The following AMOT variants were observed in gnomAD, a reference collection of about 807,000 sequenced individuals.
AMOT encodes the protein angiomotin.
AMOT carries 11 observed loss-of-function variants against 67.0 expected under a neutral mutation model. The observed-to-expected ratio is 0.16, with a 90% confidence interval of 0.10 to 0.27. The LOEUF (loss-of-function observed/expected upper bound fraction) is 0.27, where lower values mean the gene tolerates loss of function less well. Among genes scored for constraint, AMOT ranks in the 10% least tolerant of loss-of-function variants. The probability of loss-of-function intolerance (pLI) is 1.00; values close to 1 mark genes in which losing one functional copy is unlikely to be tolerated. For missense variants in AMOT, 753 were observed against 852.0 expected, an observed-to-expected ratio of 0.88 and a Z score of 1.45; for synonymous variants, 326 against 321.4, an observed-to-expected ratio of 1.01 and a Z score of -0.15.
rs765327292 is a variant in AMOT, at chrX:112,814,043, C to T, written c.1392+1315G>A. 3.3e-3 allele frequency among the ~76,000 whole-genome samples: 368 copies of T among 111,317 alleles called. 7 individuals are homozygous for T. The highest frequency in any genetic ancestry group is 4.5e-3 in the South Asian group (12 of 2,649). Reference sequence around the variant, plus strand: ...ATCCCAGCACTTTGGGAGACCAAGGCGGGCGGATCACCTGAGGTCGGGAGT... The same window carrying T: ...ATCCCAGCACTTTGGGAGACCAAGGTGGGCGGATCACCTGAGGTCGGGAGT... On this transcript the variant is annotated intron_variant, in intron 5 of 13. Coordinates refer to ENST00000371959, the MANE Select transcript of AMOT (RefSeq NM_001113490.2).
chrX:112,809,800 C>A, intron 7 of AMOT, 94 bp downstream of exon 7: 1 of 724,539 alleles, frequency 1.4e-6, no homozygotes, highest in South Asian at 2.5e-5. Context: ...TCTGCCCTGG[C>A]TGTTCTAAAA....
At chrX:112,823,579 C>A (rs1174165159) in intron 3 of AMOT, among the ~76,000 whole-genome samples, 3 of 111,037 alleles carry the variant, frequency 2.7e-5, no homozygotes, top group African/African-American at 6.6e-5. Flanking sequence ...GAGGTGGGGG[C>A]AGGACAGTGG....
chrX:112,826,318 C>G (rs1270468750), intron 2 of AMOT, among the ~76,000 whole-genome samples: 1 of 112,257 alleles, frequency 8.9e-6, no homozygotes, highest in Non-Finnish European at 1.9e-5. Flanking sequence ...AGAGCATGTT[C>G]AAAACATTCA....
rs1932952303 is a variant in AMOT, at chrX:112,776,855, G to A, written c.*1712C>T. 8.9e-6 allele frequency: 1 copy of A among 111,754 alleles called. No homozygotes were observed. The highest frequency in any genetic ancestry group is 1.9e-5 in the Non-Finnish European group (1 of 53,128). The allele number at this position is 111,754 out of a possible 1,213,427, so 9.2% of individuals were successfully genotyped here. A position where few individuals can be genotyped will look rare whatever the true frequency, so the allele number is the denominator to read the frequency against. ...CATTTTACAAGATACATATTCCCTG[G>A]ACCATGAAGATGCCTTTTCATAAAA... On this transcript the variant is annotated 3_prime_UTR_variant, in exon 14 of 14. Coordinates refer to ENST00000371959, the MANE Select transcript of AMOT (RefSeq NM_001113490.2).
intron 1 of AMOT, among the ~76,000 whole-genome samples, chrX:112,837,191 T>C (rs1449538256): frequency 3.6e-5 from 4 of 112,407 alleles, no homozygotes; most frequent in Non-Finnish European, 7.5e-5. Context: ...CTGCAAGCAG[T>C]TGTAGGCCAG....
intron 7 of AMOT, among the ~76,000 whole-genome samples, chrX:112,805,950 A>G (rs1602789124): frequency 9.0e-6 from 1 of 111,646 alleles, no homozygotes; most frequent in Middle Eastern, 4.6e-3. Context: ...TTAGAGTTTG[A>G]AAGTTCAGTT....
intron 10 of AMOT, among the ~76,000 whole-genome samples, chrX:112,785,623 G>A (rs750109723): frequency 3.6e-5 from 4 of 112,137 alleles, no homozygotes; most frequent in African/African-American, 1.3e-4. Flanking sequence ...GGAATAAAAT[G>A]ATCTAAGCCA....
intron 7 of AMOT, among the ~76,000 whole-genome samples, chrX:112,807,570 G>C (rs753060246): frequency 9.1e-6 from 1 of 110,170 alleles, no homozygotes; most frequent in South Asian, 4.0e-4. Context: ...CAGCATGCAA[G>C]ATCAGATCAA....
intron 7 of AMOT, 54 bp downstream of exon 7, chrX:112,809,840 G>A (rs1048388594): frequency 5.4e-5 from 55 of 1,025,269 alleles, no homozygotes; most frequent in Non-Finnish European, 6.7e-5. Context: ...ATCTTTTCAC[G>A]CACCTTGCTC....
At position 112,798,603 on chromosome X, in the gene AMOT, C is replaced by T. The variant is rs183592036; in HGVS notation, c.1776+6344G>A. Among the ~76,000 whole-genome samples the T allele has an allele frequency of 9.0e-3, 1,008 of 112,028 alleles. 6 individuals carry two copies. Among genetic ancestry groups the T allele is most frequent in the Non-Finnish European group, 0.015 (775 of 53,205 alleles). ...TTGGTGAACAGTTAATATTAAATAA[C>T]GATTACATTCAAGAACAAAAATGAG... On this transcript the variant is annotated intron_variant, in intron 8 of 13. Coordinates refer to ENST00000371959, the MANE Select transcript of AMOT (RefSeq NM_001113490.2).
chrX:112,809,773 C>T, intron 7 of AMOT, 121 bp downstream of exon 7: 1 of 564,555 alleles, frequency 1.8e-6, no homozygotes, highest in Non-Finnish European at 2.9e-6. Flanking sequence ...GAAAAACAAT[C>T]CTTAGGTGAT....
In AMOT at chrX:112,779,444, T is replaced by C. The variant is rs1175012993; in HGVS notation, c.2710A>G (p.Thr904Ala). The C allele has an allele frequency of 8.4e-7, 1 of 1,187,798 alleles. No individual in the cohort carries two copies. Among genetic ancestry groups the C allele is most frequent in the African/African-American group, 1.8e-5 (1 of 56,500 alleles). ...GGAGCAGCAGCTACCATGGTGGTGG[T>C]GATGGTGGCAGCAGTGGCAGTGATG... ...AAITATAATI[T>A]TTMVAAAPVA... Residue 904 changes from threonine (T) to alanine (A), a missense_variant, in exon 13 of 14, where the codon ACC (threonine) becomes GCC (alanine). Physicochemically the swap from Thr to Ala is moderately conservative, Grantham distance 58. This residue lies in a region of AMOT where 269 missense variants were observed against 300.9 expected (regional missense o/e 0.89). Coordinates refer to ENST00000371959, the MANE Select transcript of AMOT (RefSeq NM_001113490.2).
At chrX:112,811,169 GTTGGATCCTGCTCAGCCC>G in intron 6 of AMOT, 62 bp downstream of exon 6, 3 of 1,163,100 alleles carry the variant, frequency 2.6e-6, no homozygotes, top group Non-Finnish European at 3.5e-6. Context: ...AAAGAGCCTA[GTTGGATCCTGCTCAGCCC>G]TTCCCTTCAC....
chrX:112,826,265 G>A (rs770423727), intron 2 of AMOT, among the ~76,000 whole-genome samples: 2 of 112,043 alleles, frequency 1.8e-5, no homozygotes, highest in South Asian at 7.5e-4. Flanking sequence ...CATGAGAGGA[G>A]GAAAGCAATG....
At chrX:112,785,474 A>AG (rs1313688206) in intron 10 of AMOT, among the ~76,000 whole-genome samples, 1 of 111,898 alleles carries the variant, frequency 8.9e-6, no homozygotes, top group East Asian at 2.8e-4. Context: ...GAGGCTGGAG[A>AG]GGGGAAAGGC....
chrX:112,806,755 C>T (rs1017955305), intron 7 of AMOT, among the ~76,000 whole-genome samples: 4 of 112,043 alleles, frequency 3.6e-5, no homozygotes, highest in African/African-American at 9.7e-5. Context: ...TCTCAATCTG[C>T]CCTCTTCTAG....
In AMOT at chrX:112,781,084, C is replaced by T. The variant is rs1453395945; in HGVS notation, c.2275G>A (p.Asp759Asn). ...TGCTGGAGTACTTTGATCATGGCATCCTTCTCAATAATCTGGGCATGGAGG... is the reference window on the plus strand; with the variant it reads ...TGCTGGAGTACTTTGATCATGGCATTCTTCTCAATAATCTGGGCATGGAGG... ...KTLHAQIIEK[D>N]AMIKVLQQRS... The change falls in exon 12 of 14, where the codon GAT becomes AAT. Residue 759 changes from aspartate to asparagine, a missense_variant. Transcript: ENST00000371959. 8 of 1,211,923 alleles carry T rather than the reference C, an allele frequency of 6.6e-6. No homozygotes were observed. Among genetic ancestry groups the T allele is most frequent in the Non-Finnish European group, 1.1e-6 (1 of 895,549 alleles).
At position 112,822,632 on chromosome X, in the gene AMOT, G is replaced by A. The variant is rs1298032809; in HGVS notation, c.495C>T (p.Asp165=). The part of the protein sequence containing the change: ...GKMHQDEGLR[D]LKQGHVRSLS... ...AGGAACGGACATGCCCTTGCTTAAG[G>A]TCTCTGAGTCCCTCATCTTGGTGCA... Residue 165 remains aspartate, a synonymous_variant, in exon 4 of 14, where the codon GAC becomes GAT. Transcript: ENST00000371959. 6.0e-6 allele frequency: 7 copies of A among 1,164,884 alleles called. No individual in the cohort carries two copies. The East Asian group carries it at 2.3e-4, about 38-fold the overall frequency.
At chrX:112,814,489 T>C (rs1446785175) in intron 5 of AMOT, among the ~76,000 whole-genome samples, 1 of 104,974 alleles carries the variant, frequency 9.5e-6, no homozygotes, top group Admixed American at 1.0e-4. Context: ...CTCTGAACAG[T>C]TCACATTGTA....
Sources: allele counts gnomAD v4.1 joint callset (sites outside exome capture counted in the v4.1 genomes callset), GRCh38; gene constraint gnomAD v4.1.1; regional missense constraint gnomAD v4.1.1; transcripts MANE v1.5; gene names NCBI Gene and HGNC (gene_info 2026-07-23, HGNC 2026-07-21).